Variants in DNLZ observed in about 807,000 individuals in gnomAD.
DNLZ encodes the protein DNL-type zinc finger protein.
DNLZ carries 15 observed loss-of-function variants against 7.8 expected under a neutral mutation model. That is an observed-to-expected ratio of 1.91 (90% CI 1.28 to 2.95). DNLZ has a LOEUF of 2.95. DNLZ is among the 30% of genes most tolerant of loss of function. DNLZ has a pLI of 0.00. For synonymous variants in DNLZ, 123 were observed against 77.8 expected (o/e 1.58, Z -3.05); for missense variants, 255 against 167.3 (o/e 1.52, Z -2.89).
At position 136,361,283 on chromosome 9, in the gene DNLZ, T is replaced by A. The variant is rs1015681537; in HGVS notation, c.*729A>T. The A allele has an allele frequency of 6.6e-6, 1 of 152,244 alleles. No homozygotes were observed. Among genetic ancestry groups the A allele is most frequent in the African/African-American group, 2.4e-5 (1 of 41,436 alleles). The allele number at this position is 152,244 out of a possible 1,614,324, so 9.4% of individuals were successfully genotyped here. The stretch of plus-strand genomic sequence containing the variant: ...GGGTGATGAATGCTGAAGGTTACGC[T>A]GCCCAGAACGCTTCTGCAAATAAAC... On this transcript the variant is annotated 3_prime_UTR_variant, in exon 3 of 3. Coordinates refer to ENST00000371738, the MANE Select transcript of DNLZ (RefSeq NM_001080849.3).
chr9:136,360,988 AG>A lies in DNLZ; in HGVS notation c.*1023del, dbSNP rs1417334066. ...CTGGGTGCCGGTGGCTCAGCCGAGAAGAGGACAGTTTCCACAAATGGCACAG... is the reference window on the plus strand; with the variant it reads ...CTGGGTGCCGGTGGCTCAGCCGAGAAAGGACAGTTTCCACAAATGGCACAG... On this transcript the variant is annotated 3_prime_UTR_variant, in exon 3 of 3. Coordinates refer to ENST00000371738, the MANE Select transcript of DNLZ (RefSeq NM_001080849.3). 6.6e-6 allele frequency: 1 copy of A among 152,232 alleles called. No homozygotes were observed. Among genetic ancestry groups the A allele is most frequent in the Non-Finnish European group, 1.5e-5 (1 of 68,086 alleles). 9.4% of individuals were successfully genotyped at this position (152,232 alleles called of 1,614,324 possible).
chr9:136,363,131 G>C lies in DNLZ; in HGVS notation c.229-3C>G. 6.2e-7 allele frequency: 1 copy of C among 1,613,020 alleles called. No homozygotes were observed. The highest frequency in any genetic ancestry group is 1.1e-5 in the South Asian group (1 of 91,082). ...TTGGAGGACCTAGTCCCGCAGACCT[G>C]GCTGGGACAGGGTAGCTGGTGAGGC... On this transcript the variant is annotated splice_region_variant and splice_polypyrimidine_tract_variant and intron_variant, in intron 1 of 2. Transcript: ENST00000371738.
Position 136,363,456 on chromosome 9 carries a change from T to C in DNLZ, c.228+31A>G, listed in dbSNP as rs766453494. On this transcript the variant is annotated intron_variant, in intron 1 of 2. Transcript: ENST00000371738. ...GGCCGTGTAGCGTCAGATACGGGTC[T>C]GTCCCCGGTTCCGTCCCGCCGCGCG... 21 of 761,996 alleles carry C rather than the reference T, an allele frequency of 2.8e-5. No homozygotes were observed. In the Middle Eastern group the frequency reaches 7.5e-4, roughly 27 times the overall value. 47.2% of individuals were successfully genotyped at this position (761,996 alleles called of 1,614,324 possible).
In DNLZ at chr9:136,362,001, G is replaced by C. The variant is rs1832987550; in HGVS notation, c.*11C>G. 3 of 1,291,398 alleles carry C rather than the reference G, an allele frequency of 2.3e-6. No homozygotes were observed. The highest frequency in any genetic ancestry group is 3.0e-4 in the Middle Eastern group (1 of 3,330). The allele number at this position is 1,291,398 out of a possible 1,614,324, so 80.0% of individuals were successfully genotyped here. A position where few individuals can be genotyped will look rare whatever the true frequency, so the allele number is the denominator to read the frequency against. On this transcript the variant is annotated 3_prime_UTR_variant, in exon 3 of 3. Coordinates refer to ENST00000371738, the MANE Select transcript of DNLZ (RefSeq NM_001080849.3). ...AAGGCCGAAGTCCCACAGTGCCGGG[G>C]AGCGCAGGAGTCAGCTCGGCTCCGT...
rs1340024541 is a variant in DNLZ at position 136,360,109 on chromosome 9, C to G, written c.*1903G>C. The G allele has an allele frequency of 6.6e-6, 1 of 152,280 alleles. No individual in the cohort carries two copies. Among genetic ancestry groups the G allele is most frequent in the Admixed American group, 6.5e-5 (1 of 15,292 alleles). The allele number at this position is 152,280 out of a possible 1,614,324, so 9.4% of individuals were successfully genotyped here. A position where few individuals can be genotyped will look rare whatever the true frequency, so the allele number is the denominator to read the frequency against. On this transcript the variant is annotated 3_prime_UTR_variant, in exon 3 of 3. Coordinates refer to ENST00000371738, the MANE Select transcript of DNLZ (RefSeq NM_001080849.3). ...CACGGGGCCCCCGTCAGGGGACACA[C>G]AGGTGCGCCGGGCAGTCCTGCTGCC...
rs930886860 is a variant in DNLZ at position 136,363,693 on chromosome 9, C to T, written c.22G>A (p.Gly8Ser). 1 of 413,852 alleles carries T rather than the reference C, an allele frequency of 2.4e-6. No individual in the cohort carries two copies. Among genetic ancestry groups the T allele is most frequent in the Admixed American group, 4.6e-5 (1 of 21,800 alleles). The allele number at this position is 413,852 out of a possible 1,614,324, so 25.6% of individuals were successfully genotyped here. Residue 8 changes from glycine to serine, a missense_variant, in exon 1 of 3, where the codon GGC becomes AGC. Gly to Ser is a moderately conservative substitution (Grantham distance 56). Coordinates refer to ENST00000371738, the MANE Select transcript of DNLZ (RefSeq NM_001080849.3). ...ACGCGACTCAGCAACCTCGGCGCGC[C>T]GCGCAGCGCAGTCCGCAGCATCCCG... The part of the protein sequence containing the change: MLRTALR[G>S]APRLLSRVQP...
At position 136,363,032 on chromosome 9, in the gene DNLZ, T is replaced by C. The variant is rs144170148; in HGVS notation, c.325A>G (p.Ile109Val). ...TCPGCQNHHIIADNLGWFSDL... is the reference protein window; with the variant it reads ...TCPGCQNHHIVADNLGWFSDL... ...GAGAACCAGCCCAGGTTGTCAGCGA[T>C]GATATGGTGGTTCTGGCAGCCGGGG... The change falls in exon 2 of 3, where the codon ATC becomes GTC. Residue 109 changes from isoleucine (I) to valine (V), a missense_variant. Physicochemically the swap from Ile to Val is conservative, Grantham distance 29. Transcript: ENST00000371738. The C allele has an allele frequency of 2.4e-5, 39 of 1,613,492 alleles. No homozygotes were observed. The African/African-American group carries it at 4.8e-4, about 20-fold the overall frequency.
Position 136,359,595 on chromosome 9 carries a change from AAGTG to A in DNLZ, c.*2413_*2416del, listed in dbSNP as rs1223468037. 9 of 152,432 alleles carry A rather than the reference AAGTG, an allele frequency of 5.9e-5. No homozygotes were observed. The highest frequency in any genetic ancestry group is 2.2e-4 in the African/African-American group (9 of 41,456). The allele number at this position is 152,432 out of a possible 1,614,324, so 9.4% of individuals were successfully genotyped here. ...TTTTTCCTGAAAAATAAAGTCGGCC[AAGTG>A]AGTGTGGTCCGTATGGGCTTAGTCC... On this transcript the variant is annotated 3_prime_UTR_variant, in exon 3 of 3. Coordinates refer to ENST00000371738, the MANE Select transcript of DNLZ (RefSeq NM_001080849.3).
Position 136,361,944 on chromosome 9 carries a change from C to G in DNLZ, c.*68G>C, listed in dbSNP as rs908963601. On this transcript the variant is annotated 3_prime_UTR_variant, in exon 3 of 3. Transcript: ENST00000371738. The stretch of plus-strand genomic sequence containing the variant: ...TTATTGATAGAAAACAGGCCACGTC[C>G]AGAGAGGCCCAGGGCCAAAACCTCC... 98 of 1,168,430 alleles carry G rather than the reference C, an allele frequency of 8.4e-5. No individual in the cohort carries two copies. Among genetic ancestry groups the G allele is most frequent in the Non-Finnish European group, 1.0e-4 (95 of 919,338 alleles). 72.4% of individuals were successfully genotyped at this position (1,168,430 alleles called of 1,614,324 possible).
At chr9:136,362,806 T>C (rs949352106) in intron 2 of DNLZ, among the ~76,000 whole-genome samples, 183 bp downstream of exon 2, 1 of 152,250 alleles carries the variant, frequency 6.6e-6, no homozygotes, top group Non-Finnish European at 1.5e-5. Context: ...TGGGGCATAC[T>C]TAAACTCAAA....
intron 2 of DNLZ, among the ~76,000 whole-genome samples, chr9:136,362,569 C>A (rs1833000001): frequency 6.6e-6 from 1 of 152,234 alleles, no homozygotes; most frequent in African/African-American, 2.4e-5. Context: ...CCGGACCAGG[C>A]TCCCGGCACC....
rs1401795240 is a variant in DNLZ at position 136,359,780 on chromosome 9, C to T, written c.*2232G>A. 6.6e-6 allele frequency: 1 copy of T among 152,388 alleles called. No individual in the cohort carries two copies. Among genetic ancestry groups the T allele is most frequent in the East Asian group, 1.9e-4 (1 of 5,186 alleles). The allele number at this position is 152,388 out of a possible 1,614,324, so 9.4% of individuals were successfully genotyped here. A position where few individuals can be genotyped will look rare whatever the true frequency, so the allele number is the denominator to read the frequency against. ...GAGGGGTGAAGTGGCTGCCTGCTGT[C>T]ACCACTGATTCCTGCACCCCTACCT... On this transcript the variant is annotated 3_prime_UTR_variant, in exon 3 of 3. Coordinates refer to ENST00000371738, the MANE Select transcript of DNLZ (RefSeq NM_001080849.3).
At chr9:136,362,892 G>A in intron 2 of DNLZ, 97 bp downstream of exon 2, 2 of 1,131,284 alleles carry the variant, frequency 1.8e-6, no homozygotes, top group South Asian at 1.4e-5. Flanking sequence ...TTTCCCAGGT[G>A]AGATCTATAA....
intron 1 of DNLZ, 53 bp from the exon 2 acceptor site, chr9:136,363,181 G>A: frequency 3.7e-6 from 6 of 1,601,446 alleles, no homozygotes; most frequent in South Asian, 2.2e-5. Flanking sequence ...CGCCCCTCCC[G>A]GGAAGACCCG....
rs1183632781 is a variant in DNLZ at position 136,363,661 on chromosome 9, G to A, written c.54C>T (p.Pro18=). The part of the protein sequence containing the change: ...GAPRLLSRVQ[P]RAPCLRRLWG... ...ACAGCCGCCTCAGGCAGGGCGCCCGGGGCTGCACGCGACTCAGCAACCTCG... is the reference window on the plus strand; with the variant it reads ...ACAGCCGCCTCAGGCAGGGCGCCCGAGGCTGCACGCGACTCAGCAACCTCG... The change falls in exon 1 of 3, where the codon CCC becomes CCT. Residue 18 remains proline, a synonymous_variant. Coordinates refer to ENST00000371738, the MANE Select transcript of DNLZ (RefSeq NM_001080849.3). The A allele has an allele frequency of 2.1e-5, 9 of 431,070 alleles. No homozygotes were observed. In the East Asian group the frequency reaches 3.5e-4, roughly 17 times the overall value. The allele number at this position is 431,070 out of a possible 1,614,324, so 26.7% of individuals were successfully genotyped here. A position where few individuals can be genotyped will look rare whatever the true frequency, so the allele number is the denominator to read the frequency against.
Position 136,362,083 on chromosome 9 carries a change from T to C in DNLZ, c.466A>G (p.Thr156Ala). The C allele has an allele frequency of 6.9e-7, 1 of 1,455,948 alleles. No individual in the cohort carries two copies. The allele number at this position is 1,455,948 out of a possible 1,614,324, so 90.2% of individuals were successfully genotyped here. Residue 156 changes from threonine (T) to alanine (A), a missense_variant, in exon 3 of 3, where the codon ACA (threonine) becomes GCA (alanine). By Grantham distance (58) the Thr-to-Ala change is moderately conservative (BLOSUM62 0). Coordinates refer to ENST00000371738, the MANE Select transcript of DNLZ (RefSeq NM_001080849.3). ...CCCGCTTCCGGAGCTGCAGTGGATG[T>C]GGGGGCCCCTGCAGCCTCCAGAACC... ...ELVLEAAGAP[T>A]STAAPEAGED... is the part of the protein sequence containing the mutation.
chr9:136,363,286 G>A, intron 1 of DNLZ, 158 bp from the exon 2 acceptor site: 8 of 423,670 alleles, frequency 1.9e-5, no homozygotes, highest in Non-Finnish European at 2.7e-5. Context: ...GCCCTCTCCC[G>A]GGAAGGCCCC....
rs1833011619 is a variant in DNLZ at position 136,363,048 on chromosome 9, G to A, written c.309C>T (p.Cys103=). Residue 103 remains cysteine, a synonymous_variant, in exon 2 of 3, where the codon TGC becomes TGT. Coordinates refer to ENST00000371738, the MANE Select transcript of DNLZ (RefSeq NM_001080849.3). ...TGTCAGCGATGATATGGTGGTTCTG[G>A]CAGCCGGGGCAGGTCACAATGACCA... ...QGVVIVTCPG[C]QNHHIIADNL... is the part of the protein sequence containing the mutation. 1 of 1,613,790 alleles carries A rather than the reference G, an allele frequency of 6.2e-7. No homozygotes were observed. Among genetic ancestry groups the A allele is most frequent in the Non-Finnish European group, 8.5e-7 (1 of 1,179,976 alleles).
rs550397072 is a variant in DNLZ, at chr9:136,359,578, G to A, written c.*2434C>T. On this transcript the variant is annotated 3_prime_UTR_variant, in exon 3 of 3. Transcript: ENST00000371738. The stretch of plus-strand genomic sequence containing the variant: ...GTACATTTGTTTTTCTGTTTTTCCT[G>A]AAAAATAAAGTCGGCCAAGTGAGTG... 6.6e-6 allele frequency: 1 copy of A among 152,510 alleles called. No individual in the cohort carries two copies. Among genetic ancestry groups the A allele is most frequent in the African/African-American group, 2.4e-5 (1 of 41,564 alleles). The allele number at this position is 152,510 out of a possible 1,614,324, so 9.4% of individuals were successfully genotyped here.
Sources: gnomAD v4.1 joint callset for allele counts (sites outside exome capture counted in the v4.1 genomes callset) on GRCh38, gnomAD v4.1.1 for gene constraint, MANE v1.5 for transcripts, NCBI Gene and HGNC (gene_info 2026-07-23, HGNC 2026-07-21) for gene names.